SLC5A1: variants seen among roughly 807,000 people sequenced by gnomAD.
The protein encoded by SLC5A1 is sodium/glucose cotransporter 1.
SLC5A1 carries 42 observed loss-of-function variants against 73.5 expected under a neutral mutation model. The ratio of observed to expected loss-of-function variants is 0.57; its 90% CI spans 0.45 to 0.74. SLC5A1 has a LOEUF of 0.74. Among genes scored for constraint, SLC5A1 ranks in the 30% least tolerant of loss-of-function variants. The pLI is 0.00. For missense variants in SLC5A1, 634 were observed against 855.4 expected (o/e 0.74, Z 3.23); for synonymous variants, 300 against 317.4 (o/e 0.95, Z 0.58).
chr22:32,045,587 AC>A (rs1430262033), intron 1 of SLC5A1, among the ~76,000 whole-genome samples: 1 of 152,172 alleles, frequency 6.6e-6, no homozygotes, highest in Non-Finnish European at 1.5e-5. Context: ...CTTAGAAAAG[AC>A]CCACACAGTC....
chr22:32,058,935 C>T (rs1038008810), intron 2 of SLC5A1, among the ~76,000 whole-genome samples: 9 of 152,142 alleles, frequency 5.9e-5, no homozygotes, highest in African/African-American at 1.7e-4. Flanking sequence ...TGACTCCATG[C>T]CCCAGTGGGA....
At chr22:32,044,119 A>G (rs986569448) in intron 1 of SLC5A1, among the ~76,000 whole-genome samples, 2 of 152,180 alleles carry the variant, frequency 1.3e-5, no homozygotes, top group East Asian at 1.9e-4. Context: ...CACCTGGAAC[A>G]TGGGCATTTC....
intron 2 of SLC5A1, among the ~76,000 whole-genome samples, chr22:32,058,696 C>T (rs1323202599): frequency 1.3e-5 from 2 of 152,190 alleles, no homozygotes; most frequent in Admixed American, 6.5e-5. Flanking sequence ...AAGTATTTAA[C>T]ATTAAAAAAA....
intron 10 of SLC5A1, among the ~76,000 whole-genome samples, chr22:32,089,384 T>G (rs2094013374): frequency 6.6e-6 from 1 of 152,046 alleles, no homozygotes; most frequent in Non-Finnish European, 1.5e-5. Flanking sequence ...TTTAAAGATA[T>G]AAAACCTAGA....
At chr22:32,061,708 C>T (rs778698031) in intron 2 of SLC5A1, among the ~76,000 whole-genome samples, 5 of 152,122 alleles carry the variant, frequency 3.3e-5, no homozygotes, top group Non-Finnish European at 7.4e-5. Flanking sequence ...TGGCCTAGGT[C>T]CTCCGTACTG....
At chr22:32,045,077 T>C (rs991436758) in intron 1 of SLC5A1, among the ~76,000 whole-genome samples, 3 of 152,146 alleles carry the variant, frequency 2.0e-5, no homozygotes, top group Non-Finnish European at 4.4e-5. Flanking sequence ...GGAACTCAGA[T>C]CTCTTGACTC....
At position 32,111,421 on chromosome 22, in the gene SLC5A1, C is replaced by T. The variant is rs566765284; in HGVS notation, c.*1208C>T. 6.6e-6 allele frequency: 1 copy of T among 152,252 alleles called. No individual in the cohort carries two copies. The highest frequency in any genetic ancestry group is 2.1e-4 in the South Asian group (1 of 4,820). The allele number at this position is 152,252 out of a possible 1,614,324, so 9.4% of individuals were successfully genotyped here. A position where few individuals can be genotyped will look rare whatever the true frequency, so the allele number is the denominator to read the frequency against. ...TCATTTTAATCACCTCTTTAAAGCC[C>T]CTACCTCCAAATACAGTCACACTGT... On this transcript the variant is annotated 3_prime_UTR_variant, in exon 15 of 15. Coordinates refer to ENST00000266088, the MANE Select transcript of SLC5A1 (RefSeq NM_000343.4).
chr22:32,090,230 T>C (rs2094014963), intron 10 of SLC5A1, among the ~76,000 whole-genome samples: 1 of 152,130 alleles, frequency 6.6e-6, no homozygotes, highest in African/African-American at 2.4e-5. Flanking sequence ...ATCACTGAAA[T>C]AAATTTTAGA....
In SLC5A1 at chr22:32,101,917, C is replaced by T. The variant is rs907819087; in HGVS notation, c.1450-105C>T. ...CAGACAGCCTGGAGCTACCACTTCT[C>T]CTACCTCTGTTCCTTTGCCTCTGCC... On this transcript the variant is annotated intron_variant, in intron 12 of 14. Coordinates refer to ENST00000266088, the MANE Select transcript of SLC5A1 (RefSeq NM_000343.4). 26 of 867,440 alleles carry T rather than the reference C, an allele frequency of 3.0e-5. No homozygotes were observed. In the African/African-American group the frequency reaches 3.3e-4, roughly 11 times the overall value. The allele number at this position is 867,440 out of a possible 1,614,324, so 53.7% of individuals were successfully genotyped here. A position where few individuals can be genotyped will look rare whatever the true frequency, so the allele number is the denominator to read the frequency against.
intron 2 of SLC5A1, among the ~76,000 whole-genome samples, chr22:32,058,418 A>G (rs1376915786): frequency 1.3e-5 from 2 of 152,190 alleles, no homozygotes; most frequent in African/African-American, 4.8e-5. Context: ...TTGTTTTTCT[A>G]TTGTTGGGCC....
chr22:32,052,709 C>T (rs145428364), intron 2 of SLC5A1, among the ~76,000 whole-genome samples: 4 of 152,190 alleles, frequency 2.6e-5, no homozygotes, highest in Admixed American at 6.5e-5. Context: ...GCTAGGCCTA[C>T]GCTTTTCTTA....
chr22:32,081,809 G>C lies in SLC5A1; in HGVS notation c.478-57G>C, dbSNP rs1372306718. 4 of 1,034,592 alleles carry C rather than the reference G, an allele frequency of 3.9e-6. No homozygotes were observed. The African/African-American group carries it at 6.3e-5, about 16-fold the overall frequency. The allele number at this position is 1,034,592 out of a possible 1,614,324, so 64.1% of individuals were successfully genotyped here. On this transcript the variant is annotated intron_variant, in intron 5 of 14. Coordinates refer to ENST00000266088, the MANE Select transcript of SLC5A1 (RefSeq NM_000343.4). ...GAAAATCAGGAGTAGAGAGACTACA[G>C]GCCCTGTAGGCAGCTGACCACTCTC...
intron 11 of SLC5A1, among the ~76,000 whole-genome samples, chr22:32,094,461 G>A (rs1030338183): frequency 1.1e-4 from 16 of 152,170 alleles, no homozygotes; most frequent in East Asian, 7.7e-4. Context: ...CTGTGAATCC[G>A]TCTGGTTCTG....
chr22:32,097,402 C>T (rs2094028006), intron 11 of SLC5A1, among the ~76,000 whole-genome samples: 1 of 152,174 alleles, frequency 6.6e-6, no homozygotes, highest in Non-Finnish European at 1.5e-5. Context: ...GAAAACATTG[C>T]TTTGTGGAGG....
chr22:32,063,808 C>CA (rs2093967656), intron 2 of SLC5A1, among the ~76,000 whole-genome samples: 1 of 152,100 alleles, frequency 6.6e-6, no homozygotes, highest in Non-Finnish European at 1.5e-5. Flanking sequence ...AAGGCAGAGT[C>CA]AGAGTTTTGG....
At chr22:32,059,250 G>T in intron 2 of SLC5A1, 1 of 985,454 alleles carries the variant, frequency 1.0e-6, no homozygotes, top group Non-Finnish European at 1.2e-6. Context: ...CTCTTTGAAG[G>T]CTAGAAGGTA....
intron 5 of SLC5A1, among the ~76,000 whole-genome samples, chr22:32,080,909 G>T (rs540312952): frequency 1.3e-4 from 20 of 152,212 alleles, no homozygotes; most frequent in African/African-American, 4.8e-4. Context: ...CAGGAGAATC[G>T]CTTGAACCCA....
Position 32,068,569 on chromosome 22 carries a change from C to T in SLC5A1, c.446C>T (p.Ser149Phe). 1.2e-6 allele frequency: 2 copies of T among 1,613,754 alleles called. No individual in the cohort carries two copies. The highest frequency in any genetic ancestry group is 1.7e-6 in the Non-Finnish European group (2 of 1,179,784). ...QRIQVYLSLL[S>F]LLLYIFTKIS... ...ATCCAGGTCTACCTTTCCCTTCTGT[C>T]CCTGCTGCTCTACATTTTCACCAAG... The change falls in exon 5 of 15, where the codon TCC becomes TTC. Residue 149 changes from serine (S) to phenylalanine (F), a missense_variant. Ser to Phe is a radical substitution (Grantham distance 155, BLOSUM62 -2). This residue lies in a region of SLC5A1 where 422 missense variants were observed against 626.1 expected (regional missense o/e 0.67). Transcript: ENST00000266088.
intron 5 of SLC5A1, 60 bp downstream of exon 5, chr22:32,068,660 C>CG: frequency 1.8e-6 from 2 of 1,138,710 alleles, no homozygotes; most frequent in Admixed American, 3.4e-5. Context: ...CATTCCTCAT[C>CG]ACATGCTGCC....
Sources: gnomAD v4.1 joint callset for allele counts (sites outside exome capture counted in the v4.1 genomes callset) on GRCh38, gnomAD v4.1.1 for gene constraint, gnomAD v4.1.1 regional missense constraint, MANE v1.5 for transcripts, NCBI Gene and HGNC (gene_info 2026-07-23, HGNC 2026-07-21) for gene names.